The following FANCC variants were observed in gnomAD, a reference collection of about 807,000 sequenced individuals.
The protein encoded by FANCC is Fanconi anemia group C protein.
In FANCC, 55 loss-of-function variants were observed where a neutral mutation model predicts 71.3. The ratio of observed to expected loss-of-function variants is 0.77; its 90% CI spans 0.62 to 0.97. FANCC has a LOEUF of 0.97. FANCC is among the 50% of genes least tolerant of loss of function. FANCC has a pLI of 0.00. For missense variants in FANCC, 678 were observed against 670.9 expected (o/e 1.01, Z -0.12); for synonymous variants, 275 against 244.9 (o/e 1.12, Z -1.15).
chr9:95,210,455 C>T (rs1828422487), intron 4 of FANCC, among the ~76,000 whole-genome samples: 1 of 152,048 alleles, frequency 6.6e-6, no homozygotes, highest in Admixed American at 6.6e-5. Flanking sequence ...CTAACAATGA[C>T]AATCACAATG....
At chr9:95,116,586 AAGGCCCC>A (rs2072440431) in intron 11 of FANCC, among the ~76,000 whole-genome samples, 1 of 152,184 alleles carries the variant, frequency 6.6e-6, no homozygotes, top group East Asian at 1.9e-4. Context: ...ATGCTCCAAT[AAGGCCCC>A]TTTCTGGCTG....
chr9:95,273,778 C>G (rs1260257212), intron 1 of FANCC, among the ~76,000 whole-genome samples: 1 of 152,116 alleles, frequency 6.6e-6, no homozygotes, highest in East Asian at 1.9e-4. Flanking sequence ...GCCAACAGAC[C>G]CTTTAGATAG....
chr9:95,202,884 T>C (rs76132529), intron 4 of FANCC, among the ~76,000 whole-genome samples: 156 of 152,308 alleles, frequency 1.0e-3, no homozygotes, highest in Non-Finnish European at 1.9e-3. Flanking sequence ...GAAATTGCCA[T>C]AGATTCCATG....
chr9:95,278,573 C>T (rs1176811734), intron 1 of FANCC, among the ~76,000 whole-genome samples: 1 of 152,144 alleles, frequency 6.6e-6, no homozygotes, highest in African/African-American at 2.4e-5. Context: ...AGCCACAGCT[C>T]CCAGTCAGCC....
intron 4 of FANCC, among the ~76,000 whole-genome samples, chr9:95,237,341 C>T (rs1397361795): frequency 1.3e-5 from 2 of 152,206 alleles, no homozygotes; most frequent in Admixed American, 1.3e-4. Context: ...TCCTTTACTG[C>T]CAAGTTTCTT....
rs201464525 is a variant in FANCC at position 95,181,137 on chromosome 9, TAC to T, written c.346-8992_346-8991del. On this transcript the variant is annotated intron_variant, in intron 4 of 14. Transcript: ENST00000289081. ...TCTCTCTCCTCTCTATATATACACA[TAC>T]ACACACACACACGTACACATTGTGT... Among the ~76,000 whole-genome samples, 558 of 141,580 alleles carry T rather than the reference TAC, an allele frequency of 3.9e-3. 2 individuals carry two copies. The highest frequency in any genetic ancestry group is 0.014 in the African/African-American group (524 of 38,150). The allele number at this position is 141,580 out of a possible 152,430, so 92.9% of individuals were successfully genotyped here.
chr9:95,292,871 C>T, intron 1 of FANCC: 1 of 1,585,300 alleles, frequency 6.3e-7, no homozygotes, highest in South Asian at 1.1e-5. Flanking sequence ...CAGAATGGGA[C>T]CTGAAAAGAC....
chr9:95,190,258 CCTCCA>C (rs991721179), intron 4 of FANCC, among the ~76,000 whole-genome samples: 15 of 152,146 alleles, frequency 9.9e-5, no homozygotes, highest in Non-Finnish European at 1.6e-4. Flanking sequence ...GCCCTGATCA[CCTCCA>C]CTCCTACCTC....
chr9:95,247,478 A>G lies in FANCC; in HGVS notation c.204T>C (p.Gly68=). Residue 68 remains glycine (G), a synonymous_variant, in exon 3 of 15, where the codon GGT becomes GGC. Coordinates refer to ENST00000289081, the MANE Select transcript of FANCC (RefSeq NM_000136.3). ...NTVIERFPTI[G]QLLAKACWNP... is the part of the protein sequence containing the mutation. ...TCCAACAAGCTTTTGCCAACAGTTG[A>G]CCAATTGTGGGGAATCTTTCAATGA... 1 of 1,613,838 alleles carries G rather than the reference A, an allele frequency of 6.2e-7. No homozygotes were observed.
At chr9:95,282,256 A>G (rs879175259) in intron 1 of FANCC, among the ~76,000 whole-genome samples, 4 of 152,170 alleles carry the variant, frequency 2.6e-5, no homozygotes, top group African/African-American at 9.6e-5. Flanking sequence ...AGGAGTGGCT[A>G]TACTTATATC....
At chr9:95,115,673 AAC>A (rs1386821398) in intron 11 of FANCC, among the ~76,000 whole-genome samples, 1 of 152,220 alleles carries the variant, frequency 6.6e-6, no homozygotes, top group Non-Finnish European at 1.5e-5. Context: ...GCTATAATCG[AAC>A]ACACAAGGAA....
At chr9:95,199,768 C>T (rs906298572) in intron 4 of FANCC, among the ~76,000 whole-genome samples, 4 of 152,154 alleles carry the variant, frequency 2.6e-5, no homozygotes, top group Non-Finnish European at 4.4e-5. Flanking sequence ...TATATACATT[C>T]GCCTTGGTAC....
intron 8 of FANCC, among the ~76,000 whole-genome samples, chr9:95,131,281 T>C (rs1202509734): frequency 1.3e-5 from 2 of 152,240 alleles, no homozygotes; most frequent in African/African-American, 4.8e-5. Flanking sequence ...CCTTCTAGCC[T>C]TGCCCAGTGG....
chr9:95,107,097 C>T lies in FANCC; in HGVS notation c.1502G>A (p.Gly501Asp), dbSNP rs536599109. The T allele has an allele frequency of 1.2e-6, 2 of 1,614,178 alleles. No homozygotes were observed. Among genetic ancestry groups the T allele is most frequent in the East Asian group, 4.5e-5 (2 of 44,888 alleles). ...GATGACATCCCAGGCGATCGTGTGG[C>T]CTCCAGGAGCCCAGAGCAGGAAGTT... ...LLNFLLWAPG[G>D]HTIAWDVITL... Residue 501 changes from glycine to aspartate, a missense_variant, in exon 14 of 15, where the codon GGC becomes GAC. Physicochemically the swap from Gly to Asp is moderately conservative, Grantham distance 94. Coordinates refer to ENST00000289081, the MANE Select transcript of FANCC (RefSeq NM_000136.3).
intron 1 of FANCC, among the ~76,000 whole-genome samples, chr9:95,279,825 G>C (rs183450788): frequency 2.6e-5 from 4 of 151,994 alleles, no homozygotes; most frequent in African/African-American, 9.6e-5. Context: ...GCAGGTGCCT[G>C]TAATCCCAGC....
At chr9:95,258,080 G>C (rs1265126528) in intron 1 of FANCC, among the ~76,000 whole-genome samples, 1 of 152,146 alleles carries the variant, frequency 6.6e-6, no homozygotes. Flanking sequence ...CCCAGGACCA[G>C]ACAGATTCAC....
At chr9:95,140,052 A>C (rs1325123178) in intron 7 of FANCC, among the ~76,000 whole-genome samples, 2 of 152,058 alleles carry the variant, frequency 1.3e-5, no homozygotes, top group Non-Finnish European at 2.9e-5. Context: ...TCAAGAAAAC[A>C]GAGTAAGATA....
intron 1 of FANCC, among the ~76,000 whole-genome samples, chr9:95,302,091 AAAAAAACAAAG>A (rs1229218929): frequency 2.6e-5 from 4 of 151,464 alleles, no homozygotes; most frequent in Middle Eastern, 3.4e-3. Context: ...CAAAAAAAAA[AAAAAAACAAAG>A]AAAAAAACAA....
At chr9:95,235,889 G>T (rs931887439) in intron 4 of FANCC, among the ~76,000 whole-genome samples, 2 of 150,708 alleles carry the variant, frequency 1.3e-5, no homozygotes, top group Non-Finnish European at 2.9e-5. Context: ...GGGCACATGG[G>T]GGGCAGGGAC....
Sources: allele counts gnomAD v4.1 joint callset (sites outside exome capture counted in the v4.1 genomes callset), GRCh38; gene constraint gnomAD v4.1.1; transcripts MANE v1.5; gene names NCBI Gene and HGNC (gene_info 2026-07-23, HGNC 2026-07-21).